The following PTTG1IP2 variants were observed in gnomAD, a reference collection of about 807,000 sequenced individuals.
PTTG1IP2 encodes the protein PTTG1IP family member 2.
chr7:90,505,890 A>C (rs1236347518), intron 6 of PTTG1IP2, among the ~76,000 whole-genome samples: 4 of 148,408 alleles, frequency 2.7e-5, no homozygotes, highest in African/African-American at 9.9e-5. Flanking sequence ...AGGCTGAGGC[A>C]GGAGAATGGC....
At chr7:90,485,014 C>T (rs988607353) in intron 2 of PTTG1IP2, among the ~76,000 whole-genome samples, 2 of 152,072 alleles carry the variant, frequency 1.3e-5, no homozygotes, top group African/African-American at 4.8e-5. Context: ...ATGTCTGGTC[C>T]AGCATTTGTT....
intron 6 of PTTG1IP2, among the ~76,000 whole-genome samples, chr7:90,506,523 G>A (rs750931475): frequency 1.1e-4 from 16 of 152,154 alleles, no homozygotes; most frequent in Non-Finnish European, 2.1e-4. Context: ...AGCACTTTGG[G>A]AGGCCAACAA....
At chr7:90,490,396 C>A (rs934587902) in intron 4 of PTTG1IP2, among the ~76,000 whole-genome samples, 1 of 143,182 alleles carries the variant, frequency 7.0e-6, no homozygotes, top group Non-Finnish European at 1.5e-5. Context: ...GTAAAATATG[C>A]TTATAAAAAG....
intron 6 of PTTG1IP2, among the ~76,000 whole-genome samples, chr7:90,496,269 A>G (rs1364711127): frequency 1.3e-5 from 2 of 152,118 alleles, no homozygotes; most frequent in African/African-American, 4.8e-5. Context: ...AAGCCATGAG[A>G]TTTTGGGGTT....
At chr7:90,493,819 G>C (rs1464280389) in intron 5 of PTTG1IP2, among the ~76,000 whole-genome samples, 3 of 152,208 alleles carry the variant, frequency 2.0e-5, no homozygotes, top group Admixed American at 6.5e-5. Flanking sequence ...AGATTCATAA[G>C]TGTCCTCTGG....
chr7:90,470,963 C>CAAAAAA (rs5885726), intron 1 of PTTG1IP2, among the ~76,000 whole-genome samples: 567 of 107,426 alleles, frequency 5.3e-3, no homozygotes, highest in East Asian at 9.5e-3. Flanking sequence ...TGATGAAGAA[C>CAAAAAA]AAAAAAAAAA....
chr7:90,474,149 C>T (rs544072476), intron 1 of PTTG1IP2, among the ~76,000 whole-genome samples: 7 of 152,230 alleles, frequency 4.6e-5, no homozygotes, highest in Non-Finnish European at 1.0e-4. Context: ...AGGCTACAAA[C>T]CTATGCAGCA....
chr7:90,484,979 T>C (rs541537715), intron 2 of PTTG1IP2, among the ~76,000 whole-genome samples: 1 of 152,274 alleles, frequency 6.6e-6, no homozygotes, highest in South Asian at 2.1e-4. Context: ...TCAAAGAAGA[T>C]TCTGATTGGC....
intron 6 of PTTG1IP2, among the ~76,000 whole-genome samples, chr7:90,498,161 G>A (rs1036734211): frequency 1.3e-5 from 2 of 152,254 alleles, no homozygotes; most frequent in South Asian, 4.1e-4. Context: ...GAGTAGCTGG[G>A]ACTACAGGCG....
intron 1 of PTTG1IP2, among the ~76,000 whole-genome samples, chr7:90,473,010 T>C (rs1797708520): frequency 6.6e-6 from 1 of 152,064 alleles, no homozygotes; most frequent in Admixed American, 6.5e-5. Flanking sequence ...AATCTGAAAA[T>C]ATTAGGAACT....
chr7:90,508,567 C>T (rs1373406554), intron 6 of PTTG1IP2, among the ~76,000 whole-genome samples: 1 of 152,120 alleles, frequency 6.6e-6, no homozygotes, highest in Non-Finnish European at 1.5e-5. Context: ...TAAATAAATT[C>T]TGCTATTCAC....
intron 6 of PTTG1IP2, among the ~76,000 whole-genome samples, chr7:90,497,766 G>T (rs1213246233): frequency 3.0e-5 from 4 of 135,544 alleles, no homozygotes; most frequent in Non-Finnish European, 1.6e-5. Context: ...AGAAGAAGCC[G>T]AAGTATATGT....
chr7:90,501,709 A>C (rs536011931), intron 6 of PTTG1IP2, among the ~76,000 whole-genome samples: 3 of 152,306 alleles, frequency 2.0e-5, no homozygotes, highest in Non-Finnish European at 2.9e-5. Flanking sequence ...AATTGCTAAC[A>C]ATCATCTGAA....
At chr7:90,498,150 C>T (rs982147967) in intron 6 of PTTG1IP2, among the ~76,000 whole-genome samples, 2 of 152,110 alleles carry the variant, frequency 1.3e-5, no homozygotes, top group Non-Finnish European at 2.9e-5. Flanking sequence ...CTCAGCCTCC[C>T]GAGTAGCTGG....
At chr7:90,487,839 T>G (rs1257311679) in intron 3 of PTTG1IP2, among the ~76,000 whole-genome samples, 2 of 152,192 alleles carry the variant, frequency 1.3e-5, no homozygotes, top group Non-Finnish European at 2.9e-5. Context: ...GTTTGTATTC[T>G]TATGTCATTT....
At chr7:90,498,233 G>A (rs1798020089) in intron 6 of PTTG1IP2, among the ~76,000 whole-genome samples, 1 of 152,112 alleles carries the variant, frequency 6.6e-6, no homozygotes, top group Non-Finnish European at 1.5e-5. Flanking sequence ...CACTGTGTTA[G>A]CCAGGATGGT....
intron 6 of PTTG1IP2, among the ~76,000 whole-genome samples, chr7:90,504,437 T>C (rs1798101881): frequency 6.6e-6 from 1 of 152,142 alleles, no homozygotes; most frequent in Admixed American, 6.6e-5. Flanking sequence ...TTGGCAAACT[T>C]TCTTTATAAA....
At chr7:90,486,485 T>G (rs1180047651) in intron 2 of PTTG1IP2, among the ~76,000 whole-genome samples, 9 of 140,898 alleles carry the variant, frequency 6.4e-5, no homozygotes, top group Non-Finnish European at 7.8e-5. Flanking sequence ...TTTTTTTTTT[T>G]GCTTTTCCAA....
chr7:90,500,203 G>A (rs1798046849), intron 6 of PTTG1IP2, among the ~76,000 whole-genome samples: 1 of 152,142 alleles, frequency 6.6e-6, no homozygotes, highest in Non-Finnish European at 1.5e-5. Flanking sequence ...AACAGAGGGA[G>A]ACTCTGTCTC....
Sources: gnomAD v4.1 joint callset for allele counts (sites outside exome capture counted in the v4.1 genomes callset) on GRCh38, gnomAD v4.1.1 for gene constraint, MANE v1.5 for transcripts, NCBI Gene and HGNC (gene_info 2026-07-23, HGNC 2026-07-21) for gene names.